The following POLD3 variants were observed in gnomAD, a reference collection of about 807,000 sequenced individuals.
POLD3 encodes DNA polymerase delta 3, accessory subunit, also known as DNA polymerase delta subunit 3.
POLD3 carries 19 observed loss-of-function variants against 58.2 expected under a neutral mutation model. The observed-to-expected ratio is 0.33, with a 90% CI of 0.23 to 0.48. The LOEUF (loss-of-function observed/expected upper bound fraction) is 0.48, where lower values mean the gene tolerates loss of function less well. POLD3 is among the 20% of genes least tolerant of loss of function. The pLI is 0.99. For missense variants in POLD3, 504 were observed against 545.5 expected (o/e 0.92, Z 0.76); for synonymous variants, 172 against 193.5 (o/e 0.89, Z 0.92).
intron 3 of POLD3, among the ~76,000 whole-genome samples, chr11:74,607,239 ATTATATAT>A (rs1273264626): frequency 0.017 from 1,400 of 84,530 alleles, 28 homozygotes; most frequent in African/African-American, 0.098. Flanking sequence ...TATTATTATT[ATTATATAT>A]TTATTTATTT....
intron 5 of POLD3, among the ~76,000 whole-genome samples, chr11:74,615,950 T>C (rs1310694549): frequency 6.6e-6 from 1 of 152,104 alleles, no homozygotes; most frequent in Non-Finnish European, 1.5e-5. Context: ...TAAATAAATA[T>C]ATGGCCAAAG....
chr11:74,638,787 C>A, intron 11 of POLD3: 1 of 429,874 alleles, frequency 2.3e-6, no homozygotes, highest in Admixed American at 2.5e-5. Flanking sequence ...CATCAGTAGG[C>A]CAGGAGTGGG....
chr11:74,594,573 T>C (rs1255813613), intron 2 of POLD3, among the ~76,000 whole-genome samples: 3 of 152,252 alleles, frequency 2.0e-5, no homozygotes, highest in African/African-American at 7.2e-5. Flanking sequence ...CTGCTATGAA[T>C]GATGCTGTTA....
chr11:74,631,091 A>T (rs1429665413), intron 9 of POLD3, among the ~76,000 whole-genome samples: 1 of 152,190 alleles, frequency 6.6e-6, no homozygotes, highest in Non-Finnish European at 1.5e-5. Flanking sequence ...TTTATTCTTA[A>T]ATTTCATCTT....
intron 2 of POLD3, 24 bp from the exon 3 acceptor site, chr11:74,604,668 T>C (rs1342924939): frequency 2.4e-6 from 3 of 1,243,384 alleles, no homozygotes; most frequent in Non-Finnish European, 3.6e-6. Flanking sequence ...ATGTCTTACT[T>C]GTGCCTTCTT....
intron 2 of POLD3, among the ~76,000 whole-genome samples, chr11:74,602,545 C>T (rs946902673): frequency 6.6e-6 from 1 of 152,188 alleles, no homozygotes; most frequent in African/African-American, 2.4e-5. Flanking sequence ...CCACTAATTA[C>T]TACCTGCACT....
At chr11:74,622,990 T>A (rs2032312331) in intron 7 of POLD3, among the ~76,000 whole-genome samples, 1 of 152,218 alleles carries the variant, frequency 6.6e-6, no homozygotes, top group Non-Finnish European at 1.5e-5. Context: ...GACAATGAAA[T>A]GTTATTCAGC....
At chr11:74,625,218 A>G (rs1324598470) in intron 7 of POLD3, among the ~76,000 whole-genome samples, 190 bp from the exon 8 acceptor site, 4 of 152,154 alleles carry the variant, frequency 2.6e-5, no homozygotes, top group Non-Finnish European at 5.9e-5. Context: ...ATGAGGGATT[A>G]GCAGGAGGCA....
chr11:74,640,489 A>G, intron 11 of POLD3, 75 bp from the exon 12 acceptor site: 1 of 1,450,154 alleles, frequency 6.9e-7, no homozygotes, highest in Non-Finnish European at 9.1e-7. Flanking sequence ...GATTGGGGTT[A>G]GCAAGACATC....
chr11:74,628,262 A>ATT (rs1350804820), intron 8 of POLD3, among the ~76,000 whole-genome samples: 1 of 152,120 alleles, frequency 6.6e-6, no homozygotes, highest in East Asian at 1.9e-4. Flanking sequence ...AATGGGTTTT[A>ATT]TAAAAGGCTT....
At chr11:74,613,137 A>G in intron 5 of POLD3, 127 bp downstream of exon 5, 6 of 839,010 alleles carry the variant, frequency 7.2e-6, no homozygotes, top group South Asian at 1.8e-5. Context: ...AGTAAGAAAC[A>G]TGCCTGGTTT....
At chr11:74,655,492 G>A (rs2033122559) in intron 4 of POLD3, among the ~76,000 whole-genome samples, 1 of 152,100 alleles carries the variant, frequency 6.6e-6, no homozygotes, top group East Asian at 1.9e-4. Flanking sequence ...ACATAATGGG[G>A]GGAAATAAAA....
intron 4 of POLD3, among the ~76,000 whole-genome samples, chr11:74,666,478 G>A (rs531692693): frequency 6.6e-6 from 1 of 152,206 alleles, no homozygotes; most frequent in East Asian, 1.9e-4. Flanking sequence ...AAAATTAGCT[G>A]TGTGTGGTGG....
intron 11 of POLD3, 71 bp from the exon 12 acceptor site, chr11:74,640,493 A>G (rs1419595018): frequency 2.1e-6 from 3 of 1,451,698 alleles, no homozygotes; most frequent in Non-Finnish European, 2.7e-6. Context: ...GGGGTTAGCA[A>G]GACATCCCAT....
rs750377207 is a variant in POLD3, at chr11:74,641,605, A to T, written c.*839A>T. 2 of 985,208 alleles carry T rather than the reference A, an allele frequency of 2.0e-6. No individual in the cohort carries two copies. Among genetic ancestry groups the T allele is most frequent in the Non-Finnish European group, 2.4e-6 (2 of 829,904 alleles). 61.0% of individuals were successfully genotyped at this position (985,208 alleles called of 1,614,324 possible). A position where few individuals can be genotyped will look rare whatever the true frequency, so the allele number is the denominator to read the frequency against. ...GTTGATCCCCTCCTCCCCCACTCTC[A>T]ATACCTAGAGAGTGAAACCCGTACA... On this transcript the variant is annotated 3_prime_UTR_variant, in exon 12 of 12. Coordinates refer to ENST00000263681, the MANE Select transcript of POLD3 (RefSeq NM_006591.3).
rs1591292153 is a variant in POLD3 at position 74,604,630 on chromosome 11, A to G, written c.117-62A>G. The G allele has an allele frequency of 9.4e-6, 8 of 851,388 alleles. No homozygotes were observed. In the East Asian group the frequency reaches 1.9e-4, roughly 21 times the overall value. 52.7% of individuals were successfully genotyped at this position (851,388 alleles called of 1,614,324 possible). A position where few individuals can be genotyped will look rare whatever the true frequency, so the allele number is the denominator to read the frequency against. On this transcript the variant is annotated intron_variant, in intron 2 of 11. Coordinates refer to ENST00000263681, the MANE Select transcript of POLD3 (RefSeq NM_006591.3). ...CATTTATCTTTTAAGTCATTAATTA[A>G]GAGTTGATCATGTAAAAACTCTTAC...
intron 9 of POLD3, among the ~76,000 whole-genome samples, chr11:74,631,790 T>C (rs1471703506): frequency 6.6e-6 from 1 of 152,174 alleles, no homozygotes; most frequent in Non-Finnish European, 1.5e-5. Flanking sequence ...CCTGTTTTTT[T>C]CTTTTACCTG....
downstream of POLD3, among the ~76,000 whole-genome samples, chr11:74,646,282 T>G (rs978898005): frequency 1.3e-5 from 2 of 152,198 alleles, no homozygotes; most frequent in Non-Finnish European, 2.9e-5. Flanking sequence ...CTGATTTTCA[T>G]TTTTATAAGT....
chr11:74,636,275 G>A lies in POLD3; in HGVS notation c.1198G>A (p.Val400Met), dbSNP rs747801764. 29 of 1,612,424 alleles carry A rather than the reference G, an allele frequency of 1.8e-5. No individual in the cohort carries two copies. Among genetic ancestry groups the A allele is most frequent in the Non-Finnish European group, 2.3e-5 (27 of 1,179,056 alleles). Residue 400 changes from valine (V) to methionine (M), a missense_variant and splice_region_variant, in exon 11 of 12, where the codon GTG becomes ATG. Val to Met is a conservative substitution (Grantham distance 21). Transcript: ENST00000263681. Reference sequence around the variant, plus strand: ...TTACCTGGATGGGGAAGGCTGCATAGGTAAGACAAATATTTGGCTCCAAAT... The same window carrying A: ...TTACCTGGATGGGGAAGGCTGCATAAGTAAGACAAATATTTGGCTCCAAAT... ...KTYLDGEGCI[V>M]TEKVYESESC...
Sources: gnomAD v4.1 joint callset for allele counts (sites outside exome capture counted in the v4.1 genomes callset) on GRCh38, gnomAD v4.1.1 for gene constraint, MANE v1.5 for transcripts, NCBI Gene and HGNC (gene_info 2026-07-23, HGNC 2026-07-21) for gene names.